VWA5B2: variants seen among roughly 807,000 people sequenced by gnomAD.
The protein encoded by VWA5B2 is von Willebrand factor A domain containing 5B2.
Under a neutral mutation model 118.5 loss-of-function variants are expected in VWA5B2, and 93 were observed. The ratio of observed to expected loss-of-function variants is 0.79; its 90% CI spans 0.66 to 0.93. The LOEUF (loss-of-function observed/expected upper bound fraction) is 0.93. Among genes scored for constraint, VWA5B2 ranks in the 40% least tolerant of loss-of-function variants. The pLI is 0.00. For synonymous variants in VWA5B2, 708 were observed against 716.3 expected (o/e 0.99, Z 0.19); for missense variants, 1,546 against 1,672.8 (o/e 0.92, Z 1.32).
chr3:184,230,302 C>G (rs1213315910), intron 1 of VWA5B2, 78 bp from the exon 2 acceptor site: 1 of 478,936 alleles, frequency 2.1e-6, no homozygotes, highest in Non-Finnish European at 3.5e-6. Flanking sequence ...GCCCGGCTGC[C>G]CAGGTAACGC....
chr3:184,239,795 T>A lies in VWA5B2; in HGVS notation c.2499T>A (p.Pro833=). The A allele has an allele frequency of 6.5e-7, 1 of 1,545,562 alleles. No homozygotes were observed. Among genetic ancestry groups the A allele is most frequent in the Non-Finnish European group, 8.8e-7 (1 of 1,142,790 alleles). Reference sequence around the variant, plus strand: ...GGGAGTTGGCCCCTCCAGCAGTGCCTCCCCAGGCTCCACGCTGCCATGTGG... The same window carrying A: ...GGGAGTTGGCCCCTCCAGCAGTGCCACCCCAGGCTCCACGCTGCCATGTGG... ...PSGELAPPAV[P]PQAPRCHVVI... The change falls in exon 16 of 20, where the codon CCT becomes CCA. Residue 833 remains proline (P), a synonymous_variant. Transcript: ENST00000691901. This position sits in a 1 kb window ranked among gnomAD's most constrained non-coding sequence, Gnocchi z 5.1.
rs550068686 is a variant in VWA5B2 at position 184,241,299 on chromosome 3, C to T, written c.3075C>T (p.Pro1025=). Residue 1025 remains proline, a synonymous_variant, in exon 19 of 20, where the codon CCC becomes CCT. Coordinates refer to ENST00000691901, the MANE Select transcript of VWA5B2 (RefSeq NM_001390846.1). The surrounding 1 kb of genome is among the most constrained non-coding windows in gnomAD (Gnocchi z 5.1). ...CGGAAGGTCCTCGCCGCCCACCTCC[C>T]CGTCCTCCCTGTCGGCTCAGCATGG... ...TPTEGPRRPP[P]RPPCRLSMGR... 2.8e-5 allele frequency: 43 copies of T among 1,551,340 alleles called. No individual in the cohort carries two copies. The East Asian group carries it at 6.8e-4, about 25-fold the overall frequency.
rs1288269786 is a variant in VWA5B2, at chr3:184,236,537, CAG to C, written c.1408_1409del (p.Arg470GlyfsTer56). ...GAACCCTGGAGCTCATGAGGTGGCA[CAG>C]GGGGACAGCCAGGTATGGGATGGGC... is the stretch of plus-strand genomic sequence containing the variant. Reference protein sequence around the residue: ...HRTLELMRWHRGTARCFSFGL... With the variant: ...HRTLELMRWHXGTARCFSFGL... On this transcript the variant is annotated frameshift_variant, in exon 10 of 20. Transcript: ENST00000691901. LOFTEE classifies it high-confidence loss of function. 9.0e-6 allele frequency: 14 copies of C among 1,550,400 alleles called. No individual in the cohort carries two copies. Among genetic ancestry groups the C allele is most frequent in the Admixed American group, 2.0e-5 (1 of 50,982 alleles).
In VWA5B2 at chr3:184,235,300, G is replaced by A; in HGVS notation, c.1093G>A (p.Ala365Thr). The A allele has an allele frequency of 6.4e-7, 1 of 1,551,478 alleles. No individual in the cohort carries two copies. The highest frequency in any genetic ancestry group is 8.7e-7 in the Non-Finnish European group (1 of 1,146,898). ...CTTCCTTTTGGATAGCAGCAGCGTG[G>A]CACACAAGGCCCGTGGGGGTGTGGT... ...LLFLLDSSSVAHKDAIVLAVK... is the reference protein window; with the variant it reads ...LLFLLDSSSVTHKDAIVLAVK... Residue 365 changes from alanine (A) to threonine (T), a missense_variant, in exon 8 of 20, where the codon GCA becomes ACA. By Grantham distance (58) the Ala-to-Thr change is moderately conservative. This residue lies in a region of VWA5B2 where 775 missense variants were observed against 882.3 expected (regional missense o/e 0.88). Coordinates refer to ENST00000691901, the MANE Select transcript of VWA5B2 (RefSeq NM_001390846.1).
At chr3:184,232,518 C>T (rs28603130) in intron 3 of VWA5B2, 1 of 151,988 alleles carries the variant, frequency 6.6e-6, no homozygotes, top group African/African-American at 2.4e-5. Context: ...GGGCTGTGAA[C>T]GTGGGCTGGG....
Position 184,237,442 on chromosome 3 carries a change from C to T in VWA5B2, c.1719+31C>T. The T allele has an allele frequency of 6.5e-7, 1 of 1,530,710 alleles. No individual in the cohort carries two copies. The highest frequency in any genetic ancestry group is 8.8e-7 in the Non-Finnish European group (1 of 1,132,882). The allele number at this position is 1,530,710 out of a possible 1,614,324, so 94.8% of individuals were successfully genotyped here. A position where few individuals can be genotyped will look rare whatever the true frequency, so the allele number is the denominator to read the frequency against. ...CTTGGGCTGGGGTGTGGTAGGGGGG[C>T]TAGGGTGAGGTAGGGGGGCCTGGGA... is the stretch of plus-strand genomic sequence containing the variant. On this transcript the variant is annotated intron_variant, in intron 12 of 19. Coordinates refer to ENST00000691901, the MANE Select transcript of VWA5B2 (RefSeq NM_001390846.1). The surrounding 1 kb of genome is among the most constrained non-coding windows in gnomAD (Gnocchi z 5.6).
At position 184,236,723 on chromosome 3, in the gene VWA5B2, A is replaced by T; in HGVS notation, c.1507A>T (p.Arg503Trp). The T allele has an allele frequency of 6.5e-7, 1 of 1,544,064 alleles. No individual in the cohort carries two copies. The highest frequency in any genetic ancestry group is 8.8e-7 in the Non-Finnish European group (1 of 1,142,012). The change falls in exon 11 of 20, where the codon AGG (arginine) becomes TGG (tryptophan). Residue 503 changes from arginine to tryptophan, a missense_variant. Arg to Trp is a moderately radical substitution (Grantham distance 101). This residue lies in a region of VWA5B2 where 775 missense variants were observed against 882.3 expected (regional missense o/e 0.88). Transcript: ENST00000691901. ...ALSRGQAYFLRPGQRLQPMLV... is the reference protein window; with the variant it reads ...ALSRGQAYFLWPGQRLQPMLV... The stretch of plus-strand genomic sequence containing the variant: ...CAGCAGAGGCCAGGCCTACTTCCTG[A>T]GGCCTGGGCAGAGGCTGCAGCCCAT...
chr3:184,236,883 C>A, intron 11 of VWA5B2, 134 bp downstream of exon 11: 1 of 771,754 alleles, frequency 1.3e-6, no homozygotes, highest in Non-Finnish European at 2.0e-6. Context: ...CCACTCCAAT[C>A]AGGGGAAGAG....
Position 184,242,189 on chromosome 3 carries a change from C to T in VWA5B2, c.*151C>T. The T allele has an allele frequency of 2.9e-6, 3 of 1,039,664 alleles. No individual in the cohort carries two copies. Among genetic ancestry groups the T allele is most frequent in the Non-Finnish European group, 4.1e-6 (3 of 723,774 alleles). The allele number at this position is 1,039,664 out of a possible 1,614,324, so 64.4% of individuals were successfully genotyped here. A position where few individuals can be genotyped will look rare whatever the true frequency, so the allele number is the denominator to read the frequency against. On this transcript the variant is annotated 3_prime_UTR_variant, in exon 20 of 20. Coordinates refer to ENST00000691901, the MANE Select transcript of VWA5B2 (RefSeq NM_001390846.1). ...TCCCTCCCTAGAGCCCTCTTGCCCC[C>T]ACAAAAAGTGCCTGCCTGTGCTCTC... is the stretch of plus-strand genomic sequence containing the variant.
chr3:184,239,078 TGA>T lies in VWA5B2; in HGVS notation c.2202+211_2202+212del, dbSNP rs144382398. On this transcript the variant is annotated intron_variant, in intron 14 of 19. Coordinates refer to ENST00000691901, the MANE Select transcript of VWA5B2 (RefSeq NM_001390846.1). This position sits in a 1 kb window ranked among gnomAD's most constrained non-coding sequence, Gnocchi z 5.1. The stretch of plus-strand genomic sequence containing the variant: ...TAAAGTCAGGGTGACTAATTCTGCC[TGA>T]GAGAGTCAGGAAAGTCAGAGCCATA... 1.1e-3 allele frequency among the ~76,000 whole-genome samples: 165 copies of T among 152,252 alleles called. No homozygotes were observed. The highest frequency in any genetic ancestry group is 3.7e-3 in the African/African-American group (153 of 41,530).
chr3:184,234,940 T>C, intron 7 of VWA5B2, 185 bp downstream of exon 7: 1 of 1,124,900 alleles, frequency 8.9e-7, no homozygotes, highest in Non-Finnish European at 1.2e-6. Context: ...GATGTGAATC[T>C]CTCTGGGGTG....
intron 6 of VWA5B2, 81 bp from the exon 7 acceptor site, chr3:184,234,550 G>A: frequency 2.6e-6 from 4 of 1,523,754 alleles, no homozygotes; most frequent in Non-Finnish European, 3.5e-6. Flanking sequence ...GGACCTGCAG[G>A]CTCCTCCTGG....
rs560850383 is a variant in VWA5B2, at chr3:184,233,341, G to A, written c.474G>A (p.Pro158=). ...LHVALPTVLT[P]LAPPGPPGPP... Reference sequence around the variant, plus strand: ...TGGCCCTGCCCACTGTGCTCACCCCGCTGGCCCCGCCAGGCCCGCCGGGGC... The same window carrying A: ...TGGCCCTGCCCACTGTGCTCACCCCACTGGCCCCGCCAGGCCCGCCGGGGC... Residue 158 remains proline, a synonymous_variant, in exon 4 of 20, where the codon CCG becomes CCA. Transcript: ENST00000691901. The surrounding 1 kb of genome is among the most constrained non-coding windows in gnomAD (Gnocchi z 5.2). The A allele has an allele frequency of 5.2e-6, 8 of 1,536,346 alleles. No homozygotes were observed. Among genetic ancestry groups the A allele is most frequent in the East Asian group, 2.4e-5 (1 of 40,818 alleles).
At position 184,238,364 on chromosome 3, in the gene VWA5B2, CG is replaced by C; in HGVS notation, c.1782del (p.Ser595LeufsTer41). ...GTGTTTCCATCCCCAGAAGAGGCCC[CG>C]TCTGCTGCCAGCCCTGGCACTGAGC... The part of the protein sequence containing the change: ...GSVFPSPEEA[P>X]SAASPGTEPT... On this transcript the variant is annotated frameshift_variant, in exon 13 of 20. Coordinates refer to ENST00000691901, the MANE Select transcript of VWA5B2 (RefSeq NM_001390846.1). LOFTEE classifies it high-confidence loss of function. The surrounding 1 kb of genome is among the most constrained non-coding windows in gnomAD (Gnocchi z 5.0). 6.4e-7 allele frequency: 1 copy of C among 1,550,452 alleles called. No homozygotes were observed.
At chr3:184,234,174 C>T (rs1195410573) in intron 5 of VWA5B2, 92 bp from the exon 6 acceptor site, 37 of 1,459,148 alleles carry the variant, frequency 2.5e-5, no homozygotes, top group Non-Finnish European at 3.1e-5. Flanking sequence ...ACTCTGAGAG[C>T]TGACTGAATC....
chr3:184,238,185 G>A lies in VWA5B2; in HGVS notation c.1720-118G>A. On this transcript the variant is annotated intron_variant, in intron 12 of 19. Transcript: ENST00000691901. The surrounding 1 kb of genome is among the most constrained non-coding windows in gnomAD (Gnocchi z 5.0). The stretch of plus-strand genomic sequence containing the variant: ...GTCTGCTTCCTCCTTCTTTAGTACT[G>A]GTCTTTTGTTTCTGGTTTATTAGCT... The A allele has an allele frequency of 2.4e-6, 2 of 841,454 alleles. No individual in the cohort carries two copies. The highest frequency in any genetic ancestry group is 3.6e-6 in the Non-Finnish European group (2 of 555,948). 52.1% of individuals were successfully genotyped at this position (841,454 alleles called of 1,614,324 possible).
rs541969862 is a variant in VWA5B2 at position 184,234,844 on chromosome 3, C to T, written c.945+89C>T. 40 of 1,508,626 alleles carry T rather than the reference C, an allele frequency of 2.7e-5. No homozygotes were observed. The East Asian group carries it at 4.7e-4, about 18-fold the overall frequency. 93.5% of individuals were successfully genotyped at this position (1,508,626 alleles called of 1,614,324 possible). On this transcript the variant is annotated intron_variant, in intron 7 of 19. Coordinates refer to ENST00000691901, the MANE Select transcript of VWA5B2 (RefSeq NM_001390846.1). ...AAGCAGGCTTACATTGGAATGGGTG[C>T]GGGGAGGCCTCTTTTCTCGGTAAGA...
At chr3:184,240,443 GAC>G in intron 16 of VWA5B2, 2 of 388,546 alleles carry the variant, frequency 5.1e-6, no homozygotes, top group Non-Finnish European at 9.3e-6. Context: ...AGTCAAATGT[GAC>G]TAGTGGCTAC....
chr3:184,241,113 AC>A lies in VWA5B2; in HGVS notation c.2962+9del, dbSNP rs1345051738. 1 of 1,551,668 alleles carries A rather than the reference AC, an allele frequency of 6.4e-7. No homozygotes were observed. Among genetic ancestry groups the A allele is most frequent in the Non-Finnish European group, 8.7e-7 (1 of 1,146,992 alleles). On this transcript the variant is annotated splice_region_variant and intron_variant, in intron 18 of 19. Coordinates refer to ENST00000691901, the MANE Select transcript of VWA5B2 (RefSeq NM_001390846.1). The surrounding 1 kb of genome is among the most constrained non-coding windows in gnomAD (Gnocchi z 5.1). ...CACTGTTGTCTACTCTAAAGGTAAC[AC>A]CCAAAGGTAGGGAAAGGGTAGGGGC...
Sources: allele counts gnomAD v4.1 joint callset (sites outside exome capture counted in the v4.1 genomes callset), GRCh38; gene constraint gnomAD v4.1.1; regional missense constraint gnomAD v4.1.1; non-coding constraint Gnocchi (gnomAD v3.1); transcripts MANE v1.5; gene names NCBI Gene and HGNC (gene_info 2026-07-23, HGNC 2026-07-21).